Variants in AKAP10 observed in about 807,000 individuals in gnomAD.
AKAP10 encodes A-kinase anchoring protein 10, also known as A-kinase anchor protein 10, mitochondrial.
In AKAP10, 24 loss-of-function variants were observed where a neutral mutation model predicts 80.8. The observed-to-expected ratio is 0.30, with a 90% CI of 0.22 to 0.42. AKAP10 has a LOEUF of 0.42. Among genes scored for constraint, AKAP10 ranks in the 10% least tolerant of loss-of-function variants. The probability of loss-of-function intolerance (pLI) is 1.00; values close to 1 mark genes in which losing one functional copy is unlikely to be tolerated. For missense variants in AKAP10, 661 were observed against 794.9 expected (o/e 0.83, Z 2.03); for synonymous variants, 291 against 277.7 (o/e 1.05, Z -0.48).
At chr17:19,919,986 A>T in intron 12 of AKAP10, 50 bp downstream of exon 12, 2 of 1,471,192 alleles carry the variant, frequency 1.4e-6, no homozygotes, top group Non-Finnish European at 1.9e-6. Context: ...CTTACAGTCA[A>T]TCACTAATGT....
At chr17:19,937,827 T>C (rs558567392) in intron 8 of AKAP10, among the ~76,000 whole-genome samples, 97 of 152,150 alleles carry the variant, frequency 6.4e-4, no homozygotes, top group Non-Finnish European at 4.6e-4. Context: ...TGGGCCTTAT[T>C]TTCCTTACTT....
chr17:19,973,859 G>A (rs987297670), intron 1 of AKAP10, among the ~76,000 whole-genome samples: 2 of 152,200 alleles, frequency 1.3e-5, no homozygotes, highest in African/African-American at 2.4e-5. Context: ...TAGAGTAGGA[G>A]GAAAGAAGAG....
intron 10 of AKAP10, among the ~76,000 whole-genome samples, chr17:19,930,767 G>A (rs980046828): frequency 3.9e-5 from 6 of 152,150 alleles, no homozygotes; most frequent in African/African-American, 1.2e-4. Flanking sequence ...CAGGAGTGCA[G>A]TGGCGTGATC....
chr17:19,944,261 T>C (rs1452525569), intron 5 of AKAP10, among the ~76,000 whole-genome samples: 1 of 152,170 alleles, frequency 6.6e-6, no homozygotes, highest in Non-Finnish European at 1.5e-5. Context: ...TTCTTTCCTG[T>C]AACAACTGTC....
chr17:19,920,108 A>G lies in AKAP10; in HGVS notation c.1762T>C (p.Phe588Leu). ...TGCCCCAAGTCACTGACTCTTCCAAATGTCATCTTCCTAAATAAGAATGAA... is the reference window on the plus strand; with the variant it reads ...TGCCCCAAGTCACTGACTCTTCCAAGTGTCATCTTCCTAAATAAGAATGAA... Reference protein sequence around the residue: ...YQRTYAGKMTFGRVSDLGQFI... With the variant: ...YQRTYAGKMTLGRVSDLGQFI... Residue 588 changes from phenylalanine to leucine, a missense_variant, in exon 12 of 15, where the codon TTT (phenylalanine) becomes CTT (leucine). Coordinates refer to ENST00000225737, the MANE Select transcript of AKAP10 (RefSeq NM_007202.4). The G allele has an allele frequency of 1.9e-6, 3 of 1,610,442 alleles. No individual in the cohort carries two copies. Among genetic ancestry groups the G allele is most frequent in the Non-Finnish European group, 2.5e-6 (3 of 1,176,814 alleles).
intron 1 of AKAP10, among the ~76,000 whole-genome samples, chr17:19,976,243 T>C (rs2043564686): frequency 6.6e-6 from 1 of 152,056 alleles, no homozygotes; most frequent in South Asian, 2.1e-4. Context: ...TCCTGGCACT[T>C]TGGGAGGCCG....
At chr17:19,956,928 G>A (rs1052373492) in intron 4 of AKAP10, among the ~76,000 whole-genome samples, 2 of 151,668 alleles carry the variant, frequency 1.3e-5, no homozygotes, top group Admixed American at 6.6e-5. Flanking sequence ...AAGGAGGGAG[G>A]GAGGGAGGAA....
At chr17:19,912,324 A>G (rs1442571814) in intron 12 of AKAP10, among the ~76,000 whole-genome samples, 2 of 152,106 alleles carry the variant, frequency 1.3e-5, no homozygotes, top group East Asian at 1.9e-4. Context: ...ATCACCTGAG[A>G]TCAGGAGTTC....
intron 10 of AKAP10, among the ~76,000 whole-genome samples, chr17:19,928,299 A>G (rs1485633018): frequency 6.6e-6 from 1 of 152,198 alleles, no homozygotes; most frequent in Non-Finnish European, 1.5e-5. Context: ...CAAAGCTAGA[A>G]CAAAGGCCAA....
chr17:19,947,463 G>C lies in AKAP10; in HGVS notation c.920C>G (p.Ser307Cys). The change falls in exon 5 of 15, where the codon TCT becomes TGT. Residue 307 changes from serine (S) to cysteine (C), a missense_variant. Ser to Cys is a moderately radical substitution (Grantham distance 112). Coordinates refer to ENST00000225737, the MANE Select transcript of AKAP10 (RefSeq NM_007202.4). ...TGGTATTGGTTTAGCAGCATCTGGA[G>C]ATATATATTTGGTAAAAGTATTCAC... The part of the protein sequence containing the change: ...DAVNTFTKYI[S>C]PDAAKPIPIT... The C allele has an allele frequency of 2.5e-6, 4 of 1,612,916 alleles. No individual in the cohort carries two copies. Among genetic ancestry groups the C allele is most frequent in the Non-Finnish European group, 3.4e-6 (4 of 1,179,106 alleles).
intron 14 of AKAP10, among the ~76,000 whole-genome samples, chr17:19,907,951 C>T (rs1419969541): frequency 1.3e-5 from 2 of 152,042 alleles, no homozygotes; most frequent in Admixed American, 6.6e-5. Context: ...GCAACCTTCA[C>T]CTCCTGGGTT....
intron 1 of AKAP10, among the ~76,000 whole-genome samples, chr17:19,976,981 A>G (rs1006974720): frequency 2.6e-5 from 4 of 152,240 alleles, no homozygotes; most frequent in Non-Finnish European, 5.9e-5. Flanking sequence ...GGCAGGTAAT[A>G]CAACTGGAAA....
intron 10 of AKAP10, 138 bp from the exon 11 acceptor site, chr17:19,924,655 T>A: frequency 2.1e-6 from 1 of 478,290 alleles, no homozygotes; most frequent in Non-Finnish European, 3.8e-6. Flanking sequence ...TTAAGATGCT[T>A]AACAACAATG....
At chr17:19,922,137 G>C (rs1464371110) in intron 11 of AKAP10, among the ~76,000 whole-genome samples, 1 of 152,238 alleles carries the variant, frequency 6.6e-6, no homozygotes, top group African/African-American at 2.4e-5. Context: ...TGCCAGGTGC[G>C]GTGGCTCATG....
chr17:19,946,244 T>TATATATATATTTTATATATATATATAAA (rs2043116499), intron 5 of AKAP10, among the ~76,000 whole-genome samples: 4 of 14,248 alleles, frequency 2.8e-4, no homozygotes, highest in African/African-American at 1.7e-3. Flanking sequence ...ATATTATATA[T>TATATATATATTTTATATATATATATAAA]ATATATATAT....
intron 1 of AKAP10, among the ~76,000 whole-genome samples, chr17:19,974,048 T>G (rs749858915): frequency 7.2e-5 from 11 of 152,016 alleles, no homozygotes; most frequent in Non-Finnish European, 1.3e-4. Flanking sequence ...AAAAATTAGC[T>G]GGTCATGGTG....
intron 3 of AKAP10, among the ~76,000 whole-genome samples, chr17:19,960,375 A>G (rs1008151149): frequency 8.5e-5 from 13 of 152,220 alleles, no homozygotes; most frequent in African/African-American, 3.1e-4. Flanking sequence ...TGTCTCTAAC[A>G]TCTGGCAAAC....
In AKAP10 at chr17:19,950,307, C is replaced by T. The variant is rs1271868344; in HGVS notation, c.878-2802G>A. 4.6e-5 allele frequency among the ~76,000 whole-genome samples: 7 copies of T among 152,328 alleles called. No homozygotes were observed. In the East Asian group the frequency reaches 5.8e-4, roughly 13 times the overall value. ...AGAAAGCAAAAAAGGGGCTCTCCCT[C>T]GTCTCCCTCTCCCTCTCCCCGGTCT... is the stretch of plus-strand genomic sequence containing the variant. On this transcript the variant is annotated intron_variant, in intron 4 of 14. Coordinates refer to ENST00000225737, the MANE Select transcript of AKAP10 (RefSeq NM_007202.4).
intron 9 of AKAP10, among the ~76,000 whole-genome samples, chr17:19,933,910 T>G (rs1175030390): frequency 1.3e-5 from 2 of 152,108 alleles, no homozygotes; most frequent in Non-Finnish European, 2.9e-5. Flanking sequence ...AATACTTTAC[T>G]TTTATTTATT....
Sources: gnomAD v4.1 joint callset for allele counts (sites outside exome capture counted in the v4.1 genomes callset) on GRCh38, gnomAD v4.1.1 for gene constraint, MANE v1.5 for transcripts, NCBI Gene and HGNC (gene_info 2026-07-23, HGNC 2026-07-21) for gene names.